Variants in EXOC3L2 observed in about 807,000 individuals in gnomAD.
EXOC3L2 encodes the protein exocyst complex component 3 like 2.
In EXOC3L2, 17 loss-of-function variants were observed where a neutral mutation model predicts 44.4. That is an observed-to-expected ratio of 0.38 (90% CI 0.26 to 0.57). The LOEUF (loss-of-function observed/expected upper bound fraction) is 0.57. Ranked by LOEUF, EXOC3L2 falls within the 20% of genes least tolerant of loss-of-function variation. The pLI is 0.65. For synonymous variants in EXOC3L2, 256 were observed against 253.7 expected, an observed-to-expected ratio of 1.01 and a Z score of -0.09; for missense variants, 541 against 588.4, an observed-to-expected ratio of 0.92 and a Z score of 0.83.
rs949163112 is a variant in EXOC3L2 at position 45,238,810 on chromosome 19, C to T, written c.236G>A (p.Ser79Asn). ...LGWAPGRRAG[S>N]PGDGQPRSFL... Reference sequence around the variant, plus strand: ...AGAGCGGGGCTGCCCATCCCCAGGGCTGCCTGCCCGCCGGCCCGGGGCCCA... The same window carrying T: ...AGAGCGGGGCTGCCCATCCCCAGGGTTGCCTGCCCGCCGGCCCGGGGCCCA... The change falls in exon 2 of 12, where the codon AGC (serine) becomes AAC (asparagine). Residue 79 changes from serine (S) to asparagine (N), a missense_variant. Ser to Asn is a conservative substitution (Grantham distance 46). Coordinates refer to ENST00000413988, the MANE Select transcript of EXOC3L2 (RefSeq NM_001382422.1). The surrounding 1 kb of genome is among the most constrained non-coding windows in gnomAD (Gnocchi z 5.5). 1.0e-5 allele frequency: 4 copies of T among 398,808 alleles called. No homozygotes were observed. In the East Asian group the frequency reaches 1.4e-4, roughly 14 times the overall value. The allele number at this position is 398,808 out of a possible 1,614,324, so 24.7% of individuals were successfully genotyped here.
chr19:45,240,574 A>C (rs1257625946), intron 1 of EXOC3L2, among the ~76,000 whole-genome samples: 1 of 152,154 alleles, frequency 6.6e-6, no homozygotes, highest in Non-Finnish European at 1.5e-5. Flanking sequence ...CTGTGAATGC[A>C]TTAAGTGCCA....
At chr19:45,244,369 A>G (rs757878731) in intron 1 of EXOC3L2, among the ~76,000 whole-genome samples, 4 of 151,892 alleles carry the variant, frequency 2.6e-5, no homozygotes, top group Non-Finnish European at 4.4e-5. Flanking sequence ...CCTTGCCCGG[A>G]CTACATCTGA....
At chr19:45,244,123 C>T (rs148965996) in intron 1 of EXOC3L2, among the ~76,000 whole-genome samples, 5 of 151,706 alleles carry the variant, frequency 3.3e-5, no homozygotes, top group African/African-American at 9.7e-5. Flanking sequence ...GAGGTTTCGC[C>T]CTGTTGCCCA....
rs143336723 is a variant in EXOC3L2, at chr19:45,228,052, C to T, written c.1394G>A (p.Arg465Gln). The change falls in exon 6 of 12, where the codon CGA becomes CAA. Residue 465 changes from arginine (R) to glutamine (Q), a missense_variant. Coordinates refer to ENST00000413988, the MANE Select transcript of EXOC3L2 (RefSeq NM_001382422.1). ...VCELLEEHTE[R>Q]APRISQEFGE... ...AAACTCCTGGCTGATGCGGGGTGCT[C>T]GCTCTGTGTGCTCTTCCAGCAGCTG... 51 of 1,613,964 alleles carry T rather than the reference C, an allele frequency of 3.2e-5. No individual in the cohort carries two copies. The highest frequency in any genetic ancestry group is 3.6e-5 in the Non-Finnish European group (42 of 1,180,040).
At chr19:45,215,963 C>G in intron 11 of EXOC3L2, 110 bp downstream of exon 11, 2 of 1,476,276 alleles carry the variant, frequency 1.4e-6, no homozygotes, top group Non-Finnish European at 1.8e-6. Flanking sequence ...CCGTCAGACA[C>G]GCTCACCGGC....
intron 8 of EXOC3L2, among the ~76,000 whole-genome samples, chr19:45,223,322 G>T (rs757463224): frequency 6.6e-6 from 1 of 151,928 alleles, no homozygotes. Flanking sequence ...GAGTCGGGAG[G>T]GGGGTTTGGT....
chr19:45,226,441 A>C (rs1416298903), intron 7 of EXOC3L2, among the ~76,000 whole-genome samples: 2 of 151,604 alleles, frequency 1.3e-5, no homozygotes, highest in African/African-American at 4.8e-5. Context: ...CATCTCTTTT[A>C]TTTTCTTTTT....
At chr19:45,241,407 G>A (rs1213082715) in intron 1 of EXOC3L2, among the ~76,000 whole-genome samples, 1 of 151,450 alleles carries the variant, frequency 6.6e-6, no homozygotes, top group Non-Finnish European at 1.5e-5. Context: ...GAACGCGGAA[G>A]GCGGAGATTG....
rs548134684 is a variant in EXOC3L2 at position 45,243,324 on chromosome 19, C to G, written c.-17+2017G>C. 9.9e-5 allele frequency among the ~76,000 whole-genome samples: 15 copies of G among 152,216 alleles called. No individual in the cohort carries two copies. The East Asian group carries it at 2.7e-3, about 27-fold the overall frequency. On this transcript the variant is annotated intron_variant, in intron 1 of 11. Transcript: ENST00000413988. ...ACAGGGTCAGGATTATGCAGACGTGCGGGGGTGGACAGGAGGCCTGGGAAG... is the reference window on the plus strand; with the variant it reads ...ACAGGGTCAGGATTATGCAGACGTGGGGGGGTGGACAGGAGGCCTGGGAAG...
rs1409723141 is a variant in EXOC3L2 at position 45,227,959 on chromosome 19, C to T, written c.1472+15G>A. On this transcript the variant is annotated intron_variant, in intron 6 of 11. Transcript: ENST00000413988. The stretch of plus-strand genomic sequence containing the variant: ...ACCCCCAGCAGAGCTAACCTGTGCT[C>T]CCAGGTTCCCCTACCTCTGCAGGAA... The T allele has an allele frequency of 1.2e-6, 2 of 1,612,096 alleles. No homozygotes were observed. The highest frequency in any genetic ancestry group is 1.7e-6 in the Non-Finnish European group (2 of 1,179,460).
chr19:45,223,680 C>T lies in EXOC3L2; in HGVS notation c.1719+1098G>A, dbSNP rs568907143. On this transcript the variant is annotated intron_variant, in intron 8 of 11. Coordinates refer to ENST00000413988, the MANE Select transcript of EXOC3L2 (RefSeq NM_001382422.1). The stretch of plus-strand genomic sequence containing the variant: ...TAAATGGGGCAATCAGCGAAGGTCG[C>T]ACTGAGGTGACATTTGAGTCAAGAC... 6.6e-5 allele frequency among the ~76,000 whole-genome samples: 10 copies of T among 150,736 alleles called. No individual in the cohort carries two copies. The South Asian group carries it at 2.1e-3, about 32-fold the overall frequency.
chr19:45,244,049 G>A (rs149779570), intron 1 of EXOC3L2, among the ~76,000 whole-genome samples: 3 of 151,912 alleles, frequency 2.0e-5, no homozygotes, highest in African/African-American at 7.2e-5. Flanking sequence ...TCAACCTCCC[G>A]AGTAGCTGGG....
At chr19:45,236,314 A>C (rs1970083585) in intron 2 of EXOC3L2, among the ~76,000 whole-genome samples, 1 of 151,804 alleles carries the variant, frequency 6.6e-6, no homozygotes, top group African/African-American at 2.4e-5. Context: ...AAAAATACAA[A>C]AATTAGCCAG....
At chr19:45,223,877 C>A (rs1969925576) in intron 8 of EXOC3L2, among the ~76,000 whole-genome samples, 1 of 151,862 alleles carries the variant, frequency 6.6e-6, no homozygotes, top group Non-Finnish European at 1.5e-5. Flanking sequence ...GCCTGTAATC[C>A]CAGCTACTAG....
intron 11 of EXOC3L2, among the ~76,000 whole-genome samples, chr19:45,215,540 GA>G (rs1250404396): frequency 1.3e-5 from 2 of 152,164 alleles, no homozygotes; most frequent in Admixed American, 1.3e-4. Flanking sequence ...CATTGAGTGA[GA>G]ACTGGAATTG....
At chr19:45,219,389 G>A (rs1026206606) in intron 8 of EXOC3L2, among the ~76,000 whole-genome samples, 4 of 86,802 alleles carry the variant, frequency 4.6e-5, no homozygotes, top group South Asian at 3.5e-4. Flanking sequence ...GGGAGGCCCC[G>A]TCTCAAAAAA....
Position 45,234,535 on chromosome 19 carries a change from G to A in EXOC3L2, c.815C>T (p.Ala272Val). 2 of 251,694 alleles carry A rather than the reference G, an allele frequency of 7.9e-6. No homozygotes were observed. The highest frequency in any genetic ancestry group is 7.6e-6 in the Non-Finnish European group (1 of 131,492). 15.6% of individuals were successfully genotyped at this position (251,694 alleles called of 1,614,324 possible). The change falls in exon 3 of 12, where the codon GCG becomes GTG. Residue 272 changes from alanine to valine, a missense_variant. By Grantham distance (64) the Ala-to-Val change is moderately conservative. Coordinates refer to ENST00000413988, the MANE Select transcript of EXOC3L2 (RefSeq NM_001382422.1). This position sits in a 1 kb window ranked among gnomAD's most constrained non-coding sequence, Gnocchi z 5.0. The part of the protein sequence containing the change: ...QLGQVLVQEE[A>V]ADGRRGPGAA... ...CCCGGGACCCCGACGCCCGTCGGCC[G>A]CCTCCTCCTGTACCAGCACCTGGCC... is the stretch of plus-strand genomic sequence containing the variant.
intron 11 of EXOC3L2, among the ~76,000 whole-genome samples, chr19:45,214,317 T>C (rs1421002081): frequency 6.6e-6 from 1 of 152,156 alleles, no homozygotes; most frequent in African/African-American, 2.4e-5. Context: ...TCTGTTTCTC[T>C]GAGTATGTCT....
In EXOC3L2 at chr19:45,213,035, G is replaced by GACCC; in HGVS notation, c.*33_*34insGGGT. ...GGGAGGTTGGCTTGTCAGCAGCATA[G>GACCC]ATGGGGTCACTAAGGCCGGCGGTTG... is the stretch of plus-strand genomic sequence containing the variant. On this transcript the variant is annotated 3_prime_UTR_variant, in exon 12 of 12. Transcript: ENST00000413988. 1 of 1,456,184 alleles carries GACCC rather than the reference G, an allele frequency of 6.9e-7. No homozygotes were observed. 90.2% of individuals were successfully genotyped at this position (1,456,184 alleles called of 1,614,324 possible).
Sources: gnomAD v4.1 joint callset for allele counts (sites outside exome capture counted in the v4.1 genomes callset) on GRCh38, gnomAD v4.1.1 for gene constraint, Gnocchi (gnomAD v3.1) non-coding constraint, MANE v1.5 for transcripts, NCBI Gene and HGNC (gene_info 2026-07-23, HGNC 2026-07-21) for gene names.